The following PPFIA2 variants were observed in gnomAD, a reference collection of about 807,000 sequenced individuals.
PPFIA2 encodes the protein PPFI scaffold protein A2.
Under a neutral mutation model 175.5 loss-of-function variants are expected in PPFIA2, and 46 were observed. The ratio of observed to expected loss-of-function variants is 0.26; its 90% CI spans 0.21 to 0.34. PPFIA2 has a LOEUF of 0.34. PPFIA2 is among the 10% of genes least tolerant of loss of function. The pLI, the probability that PPFIA2 is intolerant of heterozygous loss-of-function variation, is 1.00. For synonymous variants in PPFIA2, 568 were observed against 511.4 expected (o/e 1.11, Z -1.49); for missense variants, 1,179 against 1,506.1 (o/e 0.78, Z 3.60).
intron 22 of PPFIA2, among the ~76,000 whole-genome samples, chr12:81,307,142 T>C (rs1437636179): frequency 6.6e-6 from 1 of 152,172 alleles, no homozygotes; most frequent in Non-Finnish European, 1.5e-5. Flanking sequence ...AAATATTTTG[T>C]GATCAGCCCA....
chr12:81,276,880 A>G (rs1029274796), intron 28 of PPFIA2, among the ~76,000 whole-genome samples: 2 of 152,220 alleles, frequency 1.3e-5, no homozygotes, highest in Admixed American at 1.3e-4. Flanking sequence ...TTCTTTAACT[A>G]TACAGTGTTA....
intron 4 of PPFIA2, among the ~76,000 whole-genome samples, chr12:81,483,911 C>T (rs1396077446): frequency 1.3e-5 from 2 of 151,850 alleles, no homozygotes; most frequent in African/African-American, 2.4e-5. Flanking sequence ...ACCCTTCTCC[C>T]CCCTCCCTTT....
rs1360955669 is a variant in PPFIA2 at position 81,364,344 on chromosome 12, G to A, written c.1546-1560C>T. 4.6e-5 allele frequency among the ~76,000 whole-genome samples: 7 copies of A among 151,732 alleles called. No homozygotes were observed. The South Asian group carries it at 1.0e-3, about 22-fold the overall frequency. On this transcript the variant is annotated intron_variant, in intron 14 of 32. Transcript: ENST00000549396. Reference sequence around the variant, plus strand: ...AAACTCTGGCTTTTACTCTGCATGAGATAGGCAACAATTGAAGGATTTTAA... The same window carrying A: ...AAACTCTGGCTTTTACTCTGCATGAAATAGGCAACAATTGAAGGATTTTAA...
intron 4 of PPFIA2, among the ~76,000 whole-genome samples, chr12:81,532,279 G>A (rs2153280214): frequency 6.6e-6 from 1 of 151,866 alleles, no homozygotes; most frequent in South Asian, 2.1e-4. Flanking sequence ...ATTTGTGCAA[G>A]CTGATGACTA....
At chr12:81,529,554 G>A (rs950185455) in intron 4 of PPFIA2, among the ~76,000 whole-genome samples, 3 of 117,024 alleles carry the variant, frequency 2.6e-5, no homozygotes, top group Middle Eastern at 4.2e-3. Flanking sequence ...CGGGGGGGCA[G>A]TGGAAAGAGA....
chr12:81,260,073 G>A (rs570452969), intron 32 of PPFIA2: 8 of 155,402 alleles, frequency 5.1e-5, no homozygotes, highest in East Asian at 3.8e-4. Context: ...AAAACATAAC[G>A]ATAATAAGTC....
chr12:81,585,929 G>C (rs963838547), intron 4 of PPFIA2, among the ~76,000 whole-genome samples: 1 of 151,844 alleles, frequency 6.6e-6, no homozygotes, highest in Non-Finnish European at 1.5e-5. Flanking sequence ...ATGATGCATT[G>C]TGCTATGACG....
At chr12:81,396,777 A>G (rs1027726008) in intron 8 of PPFIA2, among the ~76,000 whole-genome samples, 2 of 152,004 alleles carry the variant, frequency 1.3e-5, no homozygotes, top group Non-Finnish European at 1.5e-5. Context: ...CCCATGGGAG[A>G]AGCAGAGAGA....
At chr12:81,300,428 A>G (rs890186711) in intron 22 of PPFIA2, among the ~76,000 whole-genome samples, 4 of 152,202 alleles carry the variant, frequency 2.6e-5, no homozygotes, top group African/African-American at 7.2e-5. Context: ...CTATTAATCA[A>G]TTAGTTACTG....
At chr12:81,566,823 C>T (rs1014269076) in intron 4 of PPFIA2, among the ~76,000 whole-genome samples, 1 of 152,148 alleles carries the variant, frequency 6.6e-6, no homozygotes, top group African/African-American at 2.4e-5. Flanking sequence ...TGATGCCATT[C>T]CACTTACTAC....
intron 4 of PPFIA2, among the ~76,000 whole-genome samples, chr12:81,548,093 T>A (rs1268501377): frequency 1.3e-5 from 2 of 152,292 alleles, no homozygotes; most frequent in African/African-American, 4.8e-5. Context: ...TATCGTAATT[T>A]CCAAGCCAAA....
At position 81,753,080 on chromosome 12, in the gene PPFIA2, G is replaced by A. The variant is rs530234097; in HGVS notation, c.249+893C>T. The stretch of plus-strand genomic sequence containing the variant: ...CTCCCCAGTAGCTGGGACTACAGGC[G>A]CATGGCACCACACCCAGCTAATTTT... On this transcript the variant is annotated intron_variant, in intron 3 of 32. Coordinates refer to ENST00000549396, the MANE Select transcript of PPFIA2 (RefSeq NM_003625.5). Among the ~76,000 whole-genome samples the A allele has an allele frequency of 1.8e-4, 28 of 151,866 alleles. No homozygotes were observed. In the South Asian group the frequency reaches 5.8e-3, roughly 32 times the overall value.
intron 3 of PPFIA2, among the ~76,000 whole-genome samples, chr12:81,713,816 A>G (rs1053052421): frequency 6.6e-6 from 1 of 151,298 alleles, no homozygotes; most frequent in African/African-American, 2.4e-5. Context: ...CATCATTGAG[A>G]AAATAGTGGA....
intron 4 of PPFIA2, among the ~76,000 whole-genome samples, chr12:81,550,728 G>A (rs1341397176): frequency 6.6e-6 from 1 of 151,860 alleles, no homozygotes; most frequent in East Asian, 1.9e-4. Context: ...ATAAACTCAA[G>A]GTGCCATTAA....
intron 28 of PPFIA2, among the ~76,000 whole-genome samples, chr12:81,273,119 C>T (rs191139247): frequency 8.0e-4 from 122 of 152,204 alleles, no homozygotes; most frequent in Non-Finnish European, 1.3e-3. Flanking sequence ...CAACAGTTCT[C>T]TTTCTAGATT....
chr12:81,358,972 G>A (rs1475678804), intron 15 of PPFIA2, among the ~76,000 whole-genome samples: 1 of 151,926 alleles, frequency 6.6e-6, no homozygotes, highest in African/African-American at 2.4e-5. Flanking sequence ...CAATAAACAT[G>A]GTAATAAAGT....
chr12:81,617,122 A>G lies in PPFIA2; in HGVS notation c.303+59669T>C, dbSNP rs141844896. Among the ~76,000 whole-genome samples the G allele has an allele frequency of 1.5e-3, 229 of 152,320 alleles. 1 individual carries two copies. Among genetic ancestry groups the G allele is most frequent in the African/African-American group, 5.4e-3 (225 of 41,576 alleles). Reference sequence around the variant, plus strand: ...GTTTTTAACTTACTAGGGCATTTGCAAAAATTAAAGGAAATAATGTATGTA... The same window carrying G: ...GTTTTTAACTTACTAGGGCATTTGCGAAAATTAAAGGAAATAATGTATGTA... On this transcript the variant is annotated intron_variant, in intron 4 of 32. Transcript: ENST00000549396.
rs774684112 is a variant in PPFIA2, at chr12:81,347,624, G to A, written c.2141C>T (p.Ala714Val). The A allele has an allele frequency of 2.5e-6, 4 of 1,613,770 alleles. No homozygotes were observed. The highest frequency in any genetic ancestry group is 2.5e-6 in the Non-Finnish European group (3 of 1,179,768). ...ITASVTASSL[A>V]SSSPPSGHST... Reference sequence around the variant, plus strand: ...GTGTCCACTGGGGGGAGATGAACTGGCCAGCGATGAAGCTGTAACAGAGGC... The same window carrying A: ...GTGTCCACTGGGGGGAGATGAACTGACCAGCGATGAAGCTGTAACAGAGGC... Residue 714 changes from alanine to valine, a missense_variant, in exon 18 of 33, where the codon GCC becomes GTC. Coordinates refer to ENST00000549396, the MANE Select transcript of PPFIA2 (RefSeq NM_003625.5).
At chr12:81,292,052 G>C (rs977432627) in intron 24 of PPFIA2, among the ~76,000 whole-genome samples, 2 of 151,974 alleles carry the variant, frequency 1.3e-5, no homozygotes, top group Non-Finnish European at 2.9e-5. Context: ...TAGAAAAATG[G>C]TTTTAAAATT....
Sources: gnomAD v4.1 joint callset for allele counts (sites outside exome capture counted in the v4.1 genomes callset) on GRCh38, gnomAD v4.1.1 for gene constraint, MANE v1.5 for transcripts, NCBI Gene and HGNC (gene_info 2026-07-23, HGNC 2026-07-21) for gene names.